The following TRAP1 variants were observed in gnomAD, a reference collection of about 807,000 sequenced individuals.
TRAP1 encodes the protein TNF receptor associated protein 1.
A neutral mutation model predicts 89.1 loss-of-function variants in TRAP1; 102 were observed. That is an observed-to-expected ratio of 1.15 (90% CI 0.98 to 1.35). The LOEUF (loss-of-function observed/expected upper bound fraction) is 1.35, where lower values mean the gene tolerates loss of function less well. TRAP1 is among the 40% of genes most tolerant of loss of function. TRAP1 has a pLI of 0.00. For missense variants in TRAP1, 1,256 were observed against 945.3 expected (o/e 1.33, Z -4.31); for synonymous variants, 508 against 388.0 (o/e 1.31, Z -3.64).
intron 15 of TRAP1, chr16:3,662,651 A>C (rs1314758331): frequency 1.5e-6 from 1 of 681,930 alleles, no homozygotes; most frequent in Non-Finnish European, 2.7e-6. Flanking sequence ...TTCAGTTCTC[A>C]GTTCACACCT....
intron 4 of TRAP1, among the ~76,000 whole-genome samples, chr16:3,682,207 G>C (rs2051081313): frequency 6.6e-6 from 1 of 151,974 alleles, no homozygotes; most frequent in African/African-American, 2.4e-5. Flanking sequence ...AAATTAACTT[G>C]AAATGGATCA....
chr16:3,714,782 G>C (rs757367928), intron 1 of TRAP1, among the ~76,000 whole-genome samples: 12 of 152,188 alleles, frequency 7.9e-5, no homozygotes, highest in Non-Finnish European at 1.3e-4. Context: ...GCATGGGCGA[G>C]AGGATTCCAC....
intron 1 of TRAP1, among the ~76,000 whole-genome samples, chr16:3,716,379 C>T (rs1362800478): frequency 6.6e-6 from 1 of 152,166 alleles, no homozygotes; most frequent in Non-Finnish European, 1.5e-5. Context: ...CGCACGTGAA[C>T]AAATATTTAA....
intron 1 of TRAP1, among the ~76,000 whole-genome samples, chr16:3,698,637 T>C (rs1225350714): frequency 6.7e-6 from 1 of 150,236 alleles, no homozygotes; most frequent in Non-Finnish European, 1.5e-5. Context: ...TCAGGTGCAG[T>C]GGCTCATGCC....
Position 3,663,570 on chromosome 16 carries a change from T to C in TRAP1, c.1570-8A>G, listed in dbSNP as rs1395894638. On this transcript the variant is annotated splice_region_variant and splice_polypyrimidine_tract_variant and intron_variant, in intron 13 of 17. Coordinates refer to ENST00000246957, the MANE Select transcript of TRAP1 (RefSeq NM_016292.3). ...CTCAAAGCAGAAGAGAACCTGCAGG[T>C]GGCCAAGAGCAGCTCCATCAGACCC... 1.9e-6 allele frequency: 3 copies of C among 1,613,428 alleles called. No individual in the cohort carries two copies. The South Asian group carries it at 3.3e-5, about 18-fold the overall frequency.
chr16:3,675,562 C>G (rs1248545958), intron 7 of TRAP1, among the ~76,000 whole-genome samples, 165 bp from the exon 8 acceptor site: 1 of 152,186 alleles, frequency 6.6e-6, no homozygotes, highest in South Asian at 2.1e-4. Flanking sequence ...TGTCCTCCCC[C>G]CAGTCTCACG....
intron 1 of TRAP1, among the ~76,000 whole-genome samples, chr16:3,713,507 A>G (rs1262584415): frequency 4.6e-5 from 7 of 152,214 alleles, no homozygotes; most frequent in Non-Finnish European, 1.0e-4. Context: ...CAAAGGCTCC[A>G]GCTTACAGAG....
At chr16:3,679,216 G>A (rs2051041897) in intron 5 of TRAP1, among the ~76,000 whole-genome samples, 1 of 152,044 alleles carries the variant, frequency 6.6e-6, no homozygotes, top group East Asian at 1.9e-4. Context: ...GCTTGAACCG[G>A]GAGGCAGAGG....
At chr16:3,706,559 G>A (rs139793812) in intron 1 of TRAP1, among the ~76,000 whole-genome samples, 33 of 146,854 alleles carry the variant, frequency 2.2e-4, no homozygotes, top group East Asian at 1.8e-3. Context: ...TCCTGGGCTC[G>A]AGCAATTCTC....
chr16:3,697,303 CCT>C (rs2051301932), intron 1 of TRAP1, among the ~76,000 whole-genome samples: 1 of 152,020 alleles, frequency 6.6e-6, no homozygotes, highest in African/African-American at 2.4e-5. Flanking sequence ...CTGTTGGTAT[CCT>C]CTGATAATTT....
chr16:3,681,583 ATTCAT>A (rs1168557870), intron 4 of TRAP1, among the ~76,000 whole-genome samples: 5 of 152,338 alleles, frequency 3.3e-5, no homozygotes, highest in African/African-American at 1.2e-4. Flanking sequence ...ATCCAGCCTG[ATTCAT>A]TTATTGTAGA....
chr16:3,709,574 C>A (rs531165313), intron 1 of TRAP1, among the ~76,000 whole-genome samples: 1 of 152,270 alleles, frequency 6.6e-6, no homozygotes, highest in East Asian at 1.9e-4. Flanking sequence ...AGGAAACAAA[C>A]CCCAGAATAT....
In TRAP1 at chr16:3,663,466, C is replaced by T. The variant is rs772131406; in HGVS notation, c.1666G>A (p.Val556Met). Residue 556 changes from valine to methionine, a missense_variant, in exon 14 of 18, where the codon GTG (valine) becomes ATG (methionine). Physicochemically the swap from Val to Met is conservative, Grantham distance 21. Coordinates refer to ENST00000246957, the MANE Select transcript of TRAP1 (RefSeq NM_016292.3). ...AACTTCTCCTCCTTGTAGTGATCCA[C>T]GACTATGTCCGTCTCCACAGAGATC... ...KLISVETDIV[V>M]DHYKEEKFED... 1.9e-5 allele frequency: 31 copies of T among 1,614,162 alleles called. No homozygotes were observed. The highest frequency in any genetic ancestry group is 4.0e-5 in the African/African-American group (3 of 75,042).
At chr16:3,687,848 A>C (rs2051157465) in intron 3 of TRAP1, among the ~76,000 whole-genome samples, 1 of 145,256 alleles carries the variant, frequency 6.9e-6, no homozygotes, top group Non-Finnish European at 1.5e-5. Context: ...ACCCTGTTCC[A>C]AAAAATTAAA....
At chr16:3,680,415 C>T (rs561974111) in intron 4 of TRAP1, among the ~76,000 whole-genome samples, 2 of 152,242 alleles carry the variant, frequency 1.3e-5, no homozygotes, top group African/African-American at 2.4e-5. Flanking sequence ...GTGGCCCCCA[C>T]GCCTTCTCCC....
chr16:3,684,757 T>C (rs1418066751), intron 4 of TRAP1, among the ~76,000 whole-genome samples: 1 of 151,892 alleles, frequency 6.6e-6, no homozygotes, highest in Non-Finnish European at 1.5e-5. Flanking sequence ...ACTACTGCAC[T>C]CCAGCCTGGG....
At chr16:3,699,897 G>A (rs2051342591) in intron 1 of TRAP1, among the ~76,000 whole-genome samples, 1 of 149,796 alleles carries the variant, frequency 6.7e-6, no homozygotes, top group Non-Finnish European at 1.5e-5. Context: ...CTGGTCTTAA[G>A]CTCCTGGTCT....
chr16:3,675,648 T>G (rs2050980717), intron 7 of TRAP1, among the ~76,000 whole-genome samples: 1 of 152,184 alleles, frequency 6.6e-6, no homozygotes, highest in Non-Finnish European at 1.5e-5. Flanking sequence ...TGTCAGCTTG[T>G]GGCTGGAACA....
chr16:3,705,840 C>T (rs1345409857), intron 1 of TRAP1, among the ~76,000 whole-genome samples: 9 of 151,590 alleles, frequency 5.9e-5, no homozygotes, highest in African/African-American at 9.7e-5. Flanking sequence ...CCACCACACC[C>T]GGCTAATTTT....
Sources: gnomAD v4.1 joint callset for allele counts (sites outside exome capture counted in the v4.1 genomes callset) on GRCh38, gnomAD v4.1.1 for gene constraint, MANE v1.5 for transcripts, NCBI Gene and HGNC (gene_info 2026-07-23, HGNC 2026-07-21) for gene names.